PLD5: variants seen among roughly 807,000 people sequenced by gnomAD.
PLD5 encodes the protein phospholipase D family member 5.
A neutral mutation model predicts 61.1 loss-of-function variants in PLD5; 36 were observed. The ratio of observed to expected loss-of-function variants is 0.59; its 90% CI spans 0.45 to 0.78. PLD5 has a LOEUF of 0.78. PLD5 is among the 30% of genes least tolerant of loss of function. The probability of loss-of-function intolerance (pLI) is 0.00; values close to 1 mark genes in which losing one functional copy is unlikely to be tolerated. For missense variants in PLD5, 515 were observed against 644.4 expected (o/e 0.80, Z 2.17); for synonymous variants, 243 against 242.8 (o/e 1.00, Z -0.01).
chr1:242,445,720 C>A (rs923483048), intron 1 of PLD5, among the ~76,000 whole-genome samples: 1 of 149,908 alleles, frequency 6.7e-6, no homozygotes, highest in Non-Finnish European at 1.5e-5. Context: ...GGTGGCATGC[C>A]AGGTAATGTA....
intron 6 of PLD5, among the ~76,000 whole-genome samples, chr1:242,117,020 T>C (rs1392096948): frequency 1.3e-5 from 2 of 152,208 alleles, no homozygotes; most frequent in Admixed American, 6.5e-5. Flanking sequence ...ACTTGGGCAC[T>C]AGTGCTGCTT....
At chr1:242,220,951 G>T (rs1313244603) in intron 4 of PLD5, among the ~76,000 whole-genome samples, 1 of 152,000 alleles carries the variant, frequency 6.6e-6, no homozygotes, top group Non-Finnish European at 1.5e-5. Context: ...TGGCCAGGCT[G>T]GTCTCGAATT....
intron 3 of PLD5, among the ~76,000 whole-genome samples, chr1:242,276,477 G>T (rs555932066): frequency 1.5e-5 from 2 of 135,708 alleles, no homozygotes; most frequent in African/African-American, 5.4e-5. Flanking sequence ...AAATTGGAAA[G>T]AATCCAGGTA....
chr1:242,285,484 C>A (rs1385007082), intron 3 of PLD5, among the ~76,000 whole-genome samples: 1 of 152,106 alleles, frequency 6.6e-6, no homozygotes, highest in Non-Finnish European at 1.5e-5. Flanking sequence ...GGCAACAGAG[C>A]AAAACTCTGT....
chr1:242,313,949 C>T (rs1558455554), intron 2 of PLD5, among the ~76,000 whole-genome samples: 1 of 152,002 alleles, frequency 6.6e-6, no homozygotes, highest in East Asian at 1.9e-4. Flanking sequence ...CAGTGAAGGT[C>T]ATAGTAGAGC....
intron 5 of PLD5, among the ~76,000 whole-genome samples, chr1:242,171,344 T>G (rs533163857): frequency 6.6e-6 from 1 of 152,284 alleles, no homozygotes; most frequent in South Asian, 2.1e-4. Context: ...CTGAGAGATT[T>G]TGTCACCACC....
chr1:242,291,836 T>A (rs1675386851), intron 2 of PLD5, among the ~76,000 whole-genome samples: 1 of 151,296 alleles, frequency 6.6e-6, no homozygotes, highest in Admixed American at 6.6e-5. Flanking sequence ...AAACAAAACC[T>A]GACAAAGAAC....
chr1:242,480,447 AG>A (rs1667735327), intron 1 of PLD5, among the ~76,000 whole-genome samples: 2 of 152,160 alleles, frequency 1.3e-5, no homozygotes, highest in Admixed American at 1.3e-4. Context: ...GGTAGGCAAA[AG>A]TTTCTTAAAG....
chr1:242,210,803 G>A (rs192460277), intron 5 of PLD5: 74 of 152,330 alleles, frequency 4.9e-4, no homozygotes, highest in Middle Eastern at 3.4e-3. Context: ...CTGCATCCAG[G>A]TGATTAAAAG....
In PLD5 at chr1:242,106,722, A is replaced by T. The variant is rs560892479; in HGVS notation, c.1239+949T>A. Among the ~76,000 whole-genome samples the T allele has an allele frequency of 1.4e-4, 22 of 152,318 alleles. No homozygotes were observed. In the South Asian group the frequency reaches 4.1e-3, roughly 29 times the overall value. ...GTCAAAGTTAATTGCGGAGCCCTTG[A>T]TACCCTGGGTCCCTAAATGCTGCAA... On this transcript the variant is annotated intron_variant, in intron 8 of 9. Transcript: ENST00000536534.
intron 5 of PLD5, among the ~76,000 whole-genome samples, chr1:242,207,659 C>T (rs539217160): frequency 1.1e-4 from 17 of 149,098 alleles, no homozygotes; most frequent in African/African-American, 4.2e-4. Context: ...AACACCTTGT[C>T]TTTTTTCATT....
chr1:242,110,308 T>A (rs1661385493), intron 7 of PLD5, among the ~76,000 whole-genome samples: 3 of 151,926 alleles, frequency 2.0e-5, no homozygotes, highest in Admixed American at 6.6e-5. Flanking sequence ...GGAAAGCTTT[T>A]TGTTTTAACA....
At chr1:242,246,694 T>G (rs774154693) in intron 4 of PLD5, among the ~76,000 whole-genome samples, 16 of 152,288 alleles carry the variant, frequency 1.1e-4, no homozygotes, top group Admixed American at 6.5e-5. Flanking sequence ...TTTCCCCTTG[T>G]TGGTGGTGTT....
chr1:242,265,301 C>T (rs767588308), intron 4 of PLD5, 36 bp downstream of exon 4: 2 of 1,586,586 alleles, frequency 1.3e-6, no homozygotes, highest in Non-Finnish European at 1.7e-6. Context: ...TAACAGAACA[C>T]CCAGCGGTAG....
chr1:242,133,427 T>C (rs374505597), intron 5 of PLD5, among the ~76,000 whole-genome samples: 1 of 152,108 alleles, frequency 6.6e-6, no homozygotes, highest in East Asian at 1.9e-4. Context: ...CTTTGTGGAG[T>C]ATACTTTTGT....
intron 1 of PLD5, among the ~76,000 whole-genome samples, chr1:242,482,388 G>A (rs556797510): frequency 1.4e-3 from 216 of 152,278 alleles, no homozygotes; most frequent in Admixed American, 3.3e-3. Context: ...TGAAAACCAC[G>A]GCACAAGAAC....
intron 5 of PLD5, among the ~76,000 whole-genome samples, chr1:242,149,670 T>TAAC (rs1553309622): frequency 6.8e-6 from 1 of 146,594 alleles, no homozygotes; most frequent in Non-Finnish European, 1.5e-5. Context: ...TTTATACACA[T>TAAC]ACACACACAC....
intron 1 of PLD5, among the ~76,000 whole-genome samples, chr1:242,514,475 A>G (rs1364569390): frequency 1.3e-5 from 2 of 152,206 alleles, no homozygotes; most frequent in South Asian, 2.1e-4. Flanking sequence ...CCAGAAAAAG[A>G]TAACTACTGG....
chr1:242,130,477 T>A (rs1414290531), intron 5 of PLD5, among the ~76,000 whole-genome samples: 1 of 152,254 alleles, frequency 6.6e-6, no homozygotes, highest in Non-Finnish European at 1.5e-5. Context: ...GTAGTGGGAT[T>A]GCTGGATCGA....
Sources: gnomAD v4.1 joint callset for allele counts (sites outside exome capture counted in the v4.1 genomes callset) on GRCh38, gnomAD v4.1.1 for gene constraint, MANE v1.5 for transcripts, NCBI Gene and HGNC (gene_info 2026-07-23, HGNC 2026-07-21) for gene names.